Variants in ARMCX4 observed in about 807,000 individuals in gnomAD.
The protein encoded by ARMCX4 is armadillo repeat containing X-linked 4.
A neutral mutation model predicts 34.7 loss-of-function variants in ARMCX4; 3 were observed. The observed-to-expected ratio is 0.09, with a 90% CI of 0.04 to 0.22. The LOEUF (loss-of-function observed/expected upper bound fraction) is 0.22, where lower values mean the gene tolerates loss of function less well. Among genes scored for constraint, ARMCX4 ranks in the 10% least tolerant of loss-of-function variants. The probability of loss-of-function intolerance (pLI) is 1.00; values close to 1 mark genes in which losing one functional copy is unlikely to be tolerated. For synonymous variants in ARMCX4, 513 were observed against 632.8 expected, an observed-to-expected ratio of 0.81 and a Z score of 2.84; for missense variants, 1,448 against 1,720.8, an observed-to-expected ratio of 0.84 and a Z score of 2.81.
chrX:101,464,301 G>A (rs1261181385), intron 4 of ARMCX4, among the ~76,000 whole-genome samples: 4 of 111,554 alleles, frequency 3.6e-5, no homozygotes, highest in Non-Finnish European at 5.6e-5. Flanking sequence ...ACTTGAACCT[G>A]GGAGGTGGAA....
intron 11 of ARMCX4, among the ~76,000 whole-genome samples, chrX:101,529,866 A>C (rs1240449653): frequency 4.5e-5 from 5 of 111,819 alleles, no homozygotes; most frequent in Non-Finnish European, 9.4e-5. Flanking sequence ...AGAAATAGCA[A>C]CACTTTTACA....
intron 11 of ARMCX4, among the ~76,000 whole-genome samples, chrX:101,511,303 G>A (rs191035925): frequency 2.9e-3 from 323 of 110,764 alleles, no homozygotes; most frequent in African/African-American, 9.1e-3. Flanking sequence ...TACATTTGGG[G>A]ATTTTTTCCC....
At chrX:101,438,202 A>G (rs1555995594) in intron 2 of ARMCX4, among the ~76,000 whole-genome samples, 1 of 111,173 alleles carries the variant, frequency 9.0e-6, no homozygotes, top group Non-Finnish European at 1.9e-5. Context: ...GCTGAGTTCA[A>G]TTCCTGTATA....
At chrX:101,529,811 A>G (rs1449514380) in intron 11 of ARMCX4, among the ~76,000 whole-genome samples, 3 of 111,907 alleles carry the variant, frequency 2.7e-5, no homozygotes, top group Admixed American at 9.5e-5. Context: ...TTAGAATGGC[A>G]ATCATTAAAA....
chrX:101,434,254 CTTTTTTT>C (rs140569758), intron 2 of ARMCX4, among the ~76,000 whole-genome samples: 1 of 89,292 alleles, frequency 1.1e-5, no homozygotes, highest in South Asian at 5.9e-4. Flanking sequence ...TTAGAGTATT[CTTTTTTT>C]TTTTTTTTTT....
chrX:101,444,343 A>G (rs1931498702), intron 3 of ARMCX4, among the ~76,000 whole-genome samples: 1 of 113,136 alleles, frequency 8.8e-6, no homozygotes, highest in African/African-American at 3.2e-5. Flanking sequence ...ATTAGGCAAG[A>G]ATCCTGCTAA....
intron 2 of ARMCX4, among the ~76,000 whole-genome samples, chrX:101,434,087 A>G (rs1429167250): frequency 3.7e-5 from 4 of 108,078 alleles, no homozygotes; most frequent in Admixed American, 2.0e-4. Flanking sequence ...CTGGGACCAC[A>G]GGCACATGCC....
downstream of ARMCX4, among the ~76,000 whole-genome samples, chrX:101,448,452 T>C (rs1390205247): frequency 1.8e-5 from 2 of 112,394 alleles, no homozygotes; most frequent in East Asian, 5.5e-4. Flanking sequence ...CTAATTTACA[T>C]TCCCACCAAC....
downstream of ARMCX4, chrX:101,498,521 G>C (rs1934229369): frequency 8.2e-6 from 1 of 122,120 alleles, no homozygotes; most frequent in Admixed American, 8.8e-5. Context: ...TTGCTAAGCA[G>C]ATTGAGCTCT....
intron 4 of ARMCX4, among the ~76,000 whole-genome samples, chrX:101,457,741 C>T (rs1393041015): frequency 9.1e-6 from 1 of 109,905 alleles, no homozygotes; most frequent in East Asian, 2.9e-4. Context: ...CAAACAAAAC[C>T]CCCCAAACCC....
intron 4 of ARMCX4, among the ~76,000 whole-genome samples, chrX:101,459,600 A>G (rs1334201046): frequency 1.8e-5 from 2 of 112,113 alleles, no homozygotes; most frequent in Admixed American, 9.5e-5. Context: ...TTCTTTGTTG[A>G]TTTTCTCATT....
chrX:101,523,388 C>T (rs1457056640), intron 11 of ARMCX4, among the ~76,000 whole-genome samples: 1 of 111,973 alleles, frequency 8.9e-6, no homozygotes, highest in Non-Finnish European at 1.9e-5. Context: ...TGTAAATTCA[C>T]TGAACTATGA....
chrX:101,449,468 T>C (rs781843025), downstream of ARMCX4, among the ~76,000 whole-genome samples: 1 of 112,307 alleles, frequency 8.9e-6, no homozygotes, highest in African/African-American at 3.2e-5. Context: ...TCCTTTCTTC[T>C]TCATCATCCA....
Position 101,421,798 on chromosome X carries a change from C to T in ARMCX4, n.164+2798C>T, listed in dbSNP as rs139795864. ...GGTAGAGCCCTCATGGCTTAATCAC[C>T]TCTTAAAAGTCTCACCTCTTAATAC... On this transcript the variant is annotated intron_variant and non_coding_transcript_variant, in intron 2 of 3. Transcript: ENST00000430461. 1.2e-3 allele frequency among the ~76,000 whole-genome samples: 129 copies of T among 110,195 alleles called. 2 individuals are homozygous for T. In the East Asian group the frequency reaches 0.034, roughly 29 times the overall value.
intron 2 of ARMCX4, among the ~76,000 whole-genome samples, chrX:101,433,041 C>G (rs200814635): frequency 3.0e-5 from 2 of 67,347 alleles, no homozygotes; most frequent in African/African-American, 9.8e-5. Flanking sequence ...CGTGTATATA[C>G]ACACATATGT....
intron 2 of ARMCX4, among the ~76,000 whole-genome samples, chrX:101,438,344 C>T (rs1208722043): frequency 1.8e-5 from 2 of 111,697 alleles, no homozygotes; most frequent in East Asian, 5.6e-4. Context: ...GTGGGCGGAT[C>T]ACGAGGTCAG....
chrX:101,498,184 T>C (rs1934222298), downstream of ARMCX4: 2 of 330,479 alleles, frequency 6.1e-6, no homozygotes, highest in Non-Finnish European at 1.2e-5. Context: ...AAACGCTTCA[T>C]GCTGAACTCT....
chrX:101,494,560 G>A lies in ARMCX4; in HGVS notation c.5971G>A (p.Asp1991Asn), dbSNP rs1342402646. The A allele has an allele frequency of 3.5e-6, 4 of 1,153,140 alleles. No individual in the cohort carries two copies. Among genetic ancestry groups the A allele is most frequent in the Non-Finnish European group, 4.6e-6 (4 of 871,769 alleles). Residue 1991 changes from aspartate (D) to asparagine (N), a missense_variant, in exon 6 of 6, where the codon GAT becomes AAT. This residue lies in a region of ARMCX4 where 1,343 missense variants were observed against 1,540.7 expected (regional missense o/e 0.87). Transcript: ENST00000423738. ...CCCTGGGGCAGGAATGGGGTCATGG[G>A]ATGGAGCCATGATCTGGTCGGAAAC... ...MVPGAGMGSW[D>N]GAMIWSETKF... is the part of the protein sequence containing the mutation.
chrX:101,429,187 C>T (rs182652632), intron 2 of ARMCX4, among the ~76,000 whole-genome samples: 16 of 110,724 alleles, frequency 1.4e-4, no homozygotes, highest in Non-Finnish European at 2.6e-4. Flanking sequence ...TAACAGCTGG[C>T]GTTATAGGAA....
Sources: allele counts gnomAD v4.1 joint callset (sites outside exome capture counted in the v4.1 genomes callset), GRCh38; gene constraint gnomAD v4.1.1; regional missense constraint gnomAD v4.1.1; transcripts MANE v1.5; gene names NCBI Gene and HGNC (gene_info 2026-07-23, HGNC 2026-07-21).